Variants in CTIF observed in about 807,000 individuals in gnomAD.
The protein encoded by CTIF is cap binding complex dependent translation initiation factor.
Under a neutral mutation model 66.0 loss-of-function variants are expected in CTIF, and 21 were observed. The observed-to-expected ratio is 0.32, with a 90% CI of 0.23 to 0.46. CTIF has a LOEUF of 0.46. CTIF is among the 20% of genes least tolerant of loss of function. CTIF has a pLI of 1.00. For synonymous variants in CTIF, 345 were observed against 326.4 expected, an observed-to-expected ratio of 1.06 and a Z score of -0.62; for missense variants, 739 against 812.7, an observed-to-expected ratio of 0.91 and a Z score of 1.10.
At chr18:48,696,699 G>A (rs1285042789) in intron 6 of CTIF, among the ~76,000 whole-genome samples, 5 of 152,250 alleles carry the variant, frequency 3.3e-5, no homozygotes, top group East Asian at 3.9e-4. Context: ...TTCCTACAAC[G>A]AAAGGTAGGT....
At chr18:48,770,247 C>T (rs1033864478) in intron 9 of CTIF, among the ~76,000 whole-genome samples, 2 of 152,258 alleles carry the variant, frequency 1.3e-5, no homozygotes, top group Non-Finnish European at 1.5e-5. Flanking sequence ...AACTACTGCC[C>T]CAGGCCCCCA....
At chr18:48,730,498 CGG>C (rs2092439340) in intron 7 of CTIF, among the ~76,000 whole-genome samples, 6 of 84,750 alleles carry the variant, frequency 7.1e-5, no homozygotes, top group Non-Finnish European at 1.0e-4. Context: ...GGGGCTTCTG[CGG>C]TGTGAGGGGC....
At chr18:48,586,397 A>G (rs2089769859) in intron 1 of CTIF, among the ~76,000 whole-genome samples, 1 of 151,858 alleles carries the variant, frequency 6.6e-6, no homozygotes, top group African/African-American at 2.4e-5. Flanking sequence ...CAGCCTCCCA[A>G]GTAACTGGGA....
chr18:48,848,026 C>G (rs184019169), intron 10 of CTIF, among the ~76,000 whole-genome samples: 1 of 152,224 alleles, frequency 6.6e-6, no homozygotes, highest in Admixed American at 6.5e-5. Context: ...GATGGGCCAG[C>G]TGTCCCGGAG....
At chr18:48,611,023 G>A (rs974777398) in intron 1 of CTIF, among the ~76,000 whole-genome samples, 1 of 152,210 alleles carries the variant, frequency 6.6e-6, no homozygotes, top group African/African-American at 2.4e-5. Flanking sequence ...CTCAGCAGGG[G>A]TCCCTGGAGA....
chr18:48,594,274 C>T (rs2089949227), intron 1 of CTIF, among the ~76,000 whole-genome samples: 1 of 152,152 alleles, frequency 6.6e-6, no homozygotes, highest in Admixed American at 6.5e-5. Flanking sequence ...ACTCCATAGT[C>T]ACTGTTTTGA....
chr18:48,820,935 G>A (rs1406199394), intron 10 of CTIF, among the ~76,000 whole-genome samples: 2 of 152,196 alleles, frequency 1.3e-5, no homozygotes, highest in Admixed American at 6.5e-5. Context: ...CGGTCCCCAC[G>A]CTCCTTTAGC....
intron 1 of CTIF, among the ~76,000 whole-genome samples, chr18:48,555,755 G>T (rs1599135464): frequency 6.6e-6 from 1 of 152,196 alleles, no homozygotes; most frequent in Admixed American, 6.5e-5. Flanking sequence ...CTGAGCCATG[G>T]AGGAAACTGT....
chr18:48,819,911 G>A (rs1377374193), intron 10 of CTIF, among the ~76,000 whole-genome samples: 3 of 152,310 alleles, frequency 2.0e-5, no homozygotes, highest in Admixed American at 6.5e-5. Flanking sequence ...TCTCTGCAAG[G>A]TGCAGGGAGG....
intron 7 of CTIF, among the ~76,000 whole-genome samples, chr18:48,715,019 T>G (rs2092266001): frequency 6.6e-6 from 1 of 152,154 alleles, no homozygotes. Flanking sequence ...TTTTGTCCTG[T>G]GATTGTGGCA....
chr18:48,854,050 A>T (rs1400772859), intron 10 of CTIF, among the ~76,000 whole-genome samples: 1 of 152,196 alleles, frequency 6.6e-6, no homozygotes. Flanking sequence ...AGAAATGCAT[A>T]AATCATGTTG....
chr18:48,761,807 C>A lies in CTIF; in HGVS notation c.1371+118C>A. The stretch of plus-strand genomic sequence containing the variant: ...AGTTGGACTTTTCCCAAGTTCCGCC[C>A]TTGCCCGATTAATTATAGAAAACAC... On this transcript the variant is annotated intron_variant, in intron 9 of 11. Transcript: ENST00000256413. The surrounding 1 kb of genome is among the most constrained non-coding windows in gnomAD (Gnocchi z 4.2). 1.0e-6 allele frequency: 1 copy of A among 1,003,358 alleles called. No homozygotes were observed. The highest frequency in any genetic ancestry group is 2.6e-5 in the East Asian group (1 of 38,596). 62.2% of individuals were successfully genotyped at this position (1,003,358 alleles called of 1,614,324 possible). A position where few individuals can be genotyped will look rare whatever the true frequency, so the allele number is the denominator to read the frequency against.
intron 1 of CTIF, among the ~76,000 whole-genome samples, chr18:48,604,130 C>G (rs531845617): frequency 1.3e-5 from 2 of 149,722 alleles, no homozygotes; most frequent in South Asian, 4.3e-4. Flanking sequence ...AGGTGTGAAC[C>G]ACCACACCCC....
At chr18:48,682,400 C>T (rs926596515) in intron 6 of CTIF, among the ~76,000 whole-genome samples, 1 of 152,200 alleles carries the variant, frequency 6.6e-6, no homozygotes, top group Non-Finnish European at 1.5e-5. Context: ...CTTGCTAGAA[C>T]TGCAAAGTCT....
At chr18:48,605,038 T>C (rs1425643078) in intron 1 of CTIF, among the ~76,000 whole-genome samples, 3 of 152,250 alleles carry the variant, frequency 2.0e-5, no homozygotes, top group South Asian at 2.1e-4. Context: ...GATGGATGTT[T>C]GTGTAGATTT....
intron 9 of CTIF, among the ~76,000 whole-genome samples, chr18:48,790,434 C>G (rs2067766130): frequency 6.6e-6 from 1 of 152,240 alleles, no homozygotes; most frequent in African/African-American, 2.4e-5. Flanking sequence ...GGCTAAGGGA[C>G]AGCCAGCAGG....
chr18:48,676,893 T>TC (rs2091639233), intron 6 of CTIF, among the ~76,000 whole-genome samples: 1 of 151,836 alleles, frequency 6.6e-6, no homozygotes, highest in Non-Finnish European at 1.5e-5. Context: ...GAAATGACAC[T>TC]CAGGTGTCCC....
intron 8 of CTIF, chr18:48,760,693 CTGGTCCTAGT>C (rs1342316714): frequency 6.6e-6 from 1 of 152,210 alleles, no homozygotes; most frequent in Non-Finnish European, 1.5e-5. Flanking sequence ...AGCCCCTGGT[CTGGTCCTAGT>C]TGCAGTGAAA....
At chr18:48,833,338 G>A (rs1035192056) in intron 10 of CTIF, among the ~76,000 whole-genome samples, 67 of 152,318 alleles carry the variant, frequency 4.4e-4, no homozygotes, top group African/African-American at 1.5e-3. Context: ...AGGGTGGGAG[G>A]GTAGCCGTGT....
Sources: allele counts gnomAD v4.1 joint callset (sites outside exome capture counted in the v4.1 genomes callset), GRCh38; gene constraint gnomAD v4.1.1; non-coding constraint Gnocchi (gnomAD v3.1); transcripts MANE v1.5; gene names NCBI Gene and HGNC (gene_info 2026-07-23, HGNC 2026-07-21).